CAPN5: variants seen among roughly 807,000 people sequenced by gnomAD.
CAPN5 encodes calpain 5, also known as calpain-5.
CAPN5 carries 54 observed loss-of-function variants against 73.0 expected under a neutral mutation model. That is an observed-to-expected ratio of 0.74 (90% CI 0.59 to 0.93). The LOEUF (loss-of-function observed/expected upper bound fraction) is 0.93, where lower values mean the gene tolerates loss of function less well. Among genes scored for constraint, CAPN5 ranks in the 40% least tolerant of loss-of-function variants. The probability of loss-of-function intolerance (pLI) is 0.00; values close to 1 mark genes in which losing one functional copy is unlikely to be tolerated. For synonymous variants in CAPN5, 335 were observed against 356.9 expected (o/e 0.94, Z 0.69); for missense variants, 785 against 882.9 (o/e 0.89, Z 1.41).
intron 3 of CAPN5, among the ~76,000 whole-genome samples, chr11:77,101,550 C>T (rs558495113): frequency 3.9e-5 from 6 of 152,300 alleles, no homozygotes; most frequent in Middle Eastern, 3.4e-3. Context: ...TTAACAGGAC[C>T]GGGTATTCTG....
chr11:77,086,264 T>C (rs1333822158), intron 2 of CAPN5, among the ~76,000 whole-genome samples: 5 of 152,210 alleles, frequency 3.3e-5, no homozygotes, highest in Admixed American at 3.3e-4. Context: ...TGTAGTTTTC[T>C]AGTTTCCCTC....
intron 5 of CAPN5, among the ~76,000 whole-genome samples, chr11:77,115,189 T>C (rs1950453419): frequency 6.6e-6 from 1 of 152,218 alleles, no homozygotes; most frequent in Admixed American, 6.5e-5. Flanking sequence ...AGCATTCCCC[T>C]GGGCTGACCC....
chr11:77,096,585 T>A (rs1461252367), intron 3 of CAPN5, among the ~76,000 whole-genome samples: 1 of 152,240 alleles, frequency 6.6e-6, no homozygotes, highest in African/African-American at 2.4e-5. Context: ...GATGGTACAT[T>A]CCCTGAGGGC....
chr11:77,094,939 C>T (rs1950192020), intron 3 of CAPN5, among the ~76,000 whole-genome samples: 1 of 152,210 alleles, frequency 6.6e-6, no homozygotes, highest in South Asian at 2.1e-4. Context: ...TCAGAGGGAG[C>T]AGTGCCCTTG....
At chr11:77,093,330 G>A (rs1042917003) in intron 2 of CAPN5, among the ~76,000 whole-genome samples, 6 of 152,238 alleles carry the variant, frequency 3.9e-5, no homozygotes, top group Admixed American at 1.3e-4. Flanking sequence ...GGAAGGGAAT[G>A]GAGCTCTTGC....
At chr11:77,111,454 G>A (rs1555040730) in intron 3 of CAPN5, among the ~76,000 whole-genome samples, 1 of 152,228 alleles carries the variant, frequency 6.6e-6, no homozygotes, top group Non-Finnish European at 1.5e-5. Flanking sequence ...CATCTGTGAA[G>A]TAGGGCTGGA....
intron 4 of CAPN5, 177 bp downstream of exon 4, chr11:77,112,974 G>C (rs1352809792): frequency 3.1e-6 from 2 of 642,852 alleles, no homozygotes; most frequent in Non-Finnish European, 5.4e-6. Flanking sequence ...CCTGTGCTGG[G>C]TGGGGTGGAG....
intron 2 of CAPN5, 72 bp from the exon 3 acceptor site, chr11:77,093,609 GT>G: frequency 1.4e-6 from 2 of 1,384,518 alleles, no homozygotes; most frequent in Non-Finnish European, 1.9e-6. Context: ...GTCTGTGTCT[GT>G]CATGTCTCCT....
At chr11:77,086,428 G>C (rs1950086860) in intron 2 of CAPN5, among the ~76,000 whole-genome samples, 1 of 152,092 alleles carries the variant, frequency 6.6e-6, no homozygotes, top group Non-Finnish European at 1.5e-5. Context: ...GAAGAGTCCT[G>C]CCTCCCTGCA....
chr11:77,107,001 G>A (rs1477425998), intron 3 of CAPN5, among the ~76,000 whole-genome samples: 1 of 152,202 alleles, frequency 6.6e-6, no homozygotes, highest in Non-Finnish European at 1.5e-5. Flanking sequence ...GGGGAAGGGG[G>A]ACTCCCCCAA....
At chr11:77,119,754 T>C (rs1950505117) in intron 9 of CAPN5, 1 of 154,694 alleles carries the variant, frequency 6.5e-6, no homozygotes, top group African/African-American at 2.4e-5. Flanking sequence ...ACATGCTGAG[T>C]CCTTGGCATC....
intron 3 of CAPN5, among the ~76,000 whole-genome samples, chr11:77,106,310 C>G (rs1358876748): frequency 6.6e-6 from 1 of 151,152 alleles, no homozygotes; most frequent in African/African-American, 2.4e-5. Flanking sequence ...CCTGACACCC[C>G]CTCCCCAAGC....
At chr11:77,105,173 C>T (rs576719425) in intron 3 of CAPN5, among the ~76,000 whole-genome samples, 1 of 151,758 alleles carries the variant, frequency 6.6e-6, no homozygotes, top group South Asian at 2.1e-4. Context: ...CTGCTGTGCC[C>T]GCTGCAGGTC....
At chr11:77,078,543 T>C (rs1555034189) in intron 1 of CAPN5, among the ~76,000 whole-genome samples, 1 of 152,200 alleles carries the variant, frequency 6.6e-6, no homozygotes, top group Non-Finnish European at 1.5e-5. Context: ...CTTTGGCTAT[T>C]CAGGGTCTTT....
intron 3 of CAPN5, among the ~76,000 whole-genome samples, chr11:77,105,927 G>T (rs1950341897): frequency 6.6e-6 from 1 of 152,226 alleles, no homozygotes; most frequent in Non-Finnish European, 1.5e-5. Flanking sequence ...GGCGTGGAGG[G>T]GCTGGAAGCA....
intron 1 of CAPN5, among the ~76,000 whole-genome samples, chr11:77,083,665 C>T (rs1225469090): frequency 2.6e-5 from 4 of 152,222 alleles, no homozygotes; most frequent in African/African-American, 9.6e-5. Context: ...CCCCCTCACT[C>T]CTCTTCCCAC....
chr11:77,107,324 G>T (rs1365347743), intron 3 of CAPN5, among the ~76,000 whole-genome samples: 3 of 152,182 alleles, frequency 2.0e-5, no homozygotes, highest in Non-Finnish European at 4.4e-5. Flanking sequence ...AAACCTCCCT[G>T]TAGCCCCCAT....
intron 3 of CAPN5, among the ~76,000 whole-genome samples, chr11:77,097,031 G>A (rs1249228041): frequency 6.6e-6 from 1 of 152,140 alleles, no homozygotes; most frequent in Admixed American, 6.6e-5. Context: ...GACCACCCTG[G>A]CTAACATGGT....
chr11:77,113,677 A>G (rs187243417), intron 4 of CAPN5, among the ~76,000 whole-genome samples: 280 of 152,144 alleles, frequency 1.8e-3, no homozygotes, highest in African/African-American at 6.4e-3. Context: ...TCCACTTTCA[A>G]TCCTAAGAAA....
Sources: allele counts gnomAD v4.1 joint callset (sites outside exome capture counted in the v4.1 genomes callset), GRCh38; gene constraint gnomAD v4.1.1; transcripts MANE v1.5; gene names NCBI Gene and HGNC (gene_info 2026-07-23, HGNC 2026-07-21).